Variants in GRK3 observed in about 807,000 individuals in gnomAD.
GRK3 encodes G protein-coupled receptor kinase 3, also known as adrenergic, beta, receptor kinase 2.
Under a neutral mutation model 95.7 loss-of-function variants are expected in GRK3, and 54 were observed. The ratio of observed to expected loss-of-function variants is 0.56; its 90% CI spans 0.45 to 0.71. The LOEUF is 0.71. Ranked by LOEUF, GRK3 falls within the 30% of genes least tolerant of loss-of-function variation. The pLI is 0.00. For synonymous variants in GRK3, 281 were observed against 290.8 expected, an observed-to-expected ratio of 0.97 and a Z score of 0.34; for missense variants, 649 against 851.2, an observed-to-expected ratio of 0.76 and a Z score of 2.96.
intron 2 of GRK3, among the ~76,000 whole-genome samples, chr22:25,626,288 CG>C (rs1192505398): frequency 1.3e-5 from 2 of 152,150 alleles, no homozygotes; most frequent in Non-Finnish European, 2.9e-5. Context: ...GTCGTCTTGC[CG>C]TAGGACTTGC....
chr22:25,585,229 G>A (rs554111253), intron 1 of GRK3, among the ~76,000 whole-genome samples: 482 of 152,356 alleles, frequency 3.2e-3, no homozygotes, highest in African/African-American at 0.011. Flanking sequence ...TTTTAAGGAA[G>A]TGAAGTGGAA....
At position 25,565,013 on chromosome 22, in the gene GRK3, G is replaced by C; in HGVS notation, c.-28G>C. On this transcript the variant is annotated 5_prime_UTR_variant, in exon 1 of 21. Coordinates refer to ENST00000324198, the MANE Select transcript of GRK3 (RefSeq NM_005160.4). ...CGTCCCGTCCAGGTCCGGAGTAACC[G>C]CCGCCGCCGCCGCCAAAGCTCGCCA... 1.1e-6 allele frequency: 1 copy of C among 892,340 alleles called. No individual in the cohort carries two copies. Among genetic ancestry groups the C allele is most frequent in the Non-Finnish European group, 1.5e-6 (1 of 646,132 alleles). 55.3% of individuals were successfully genotyped at this position (892,340 alleles called of 1,614,324 possible).
chr22:25,586,098 A>G (rs898085757), intron 1 of GRK3, among the ~76,000 whole-genome samples: 7 of 152,232 alleles, frequency 4.6e-5, no homozygotes, highest in Admixed American at 1.3e-4. Context: ...TGCTTATATC[A>G]TTGTGTAGTT....
At chr22:25,722,127 G>T (rs2085437174) in intron 20 of GRK3, among the ~76,000 whole-genome samples, 162 bp from the exon 21 acceptor site, 1 of 152,198 alleles carries the variant, frequency 6.6e-6, no homozygotes, top group South Asian at 2.1e-4. Flanking sequence ...TTCTGGAGAA[G>T]GTGGCAGCGT....
intron 1 of GRK3, among the ~76,000 whole-genome samples, chr22:25,582,521 A>G (rs1224426185): frequency 6.6e-6 from 1 of 152,210 alleles, no homozygotes; most frequent in Non-Finnish European, 1.5e-5. Context: ...AGAATTTTAG[A>G]GAAACTCACA....
chr22:25,680,527 A>G (rs955838325), intron 9 of GRK3, among the ~76,000 whole-genome samples: 2 of 152,238 alleles, frequency 1.3e-5, no homozygotes, highest in African/African-American at 2.4e-5. Flanking sequence ...TTGGAAAAAC[A>G]TAAGTATAGT....
Position 25,648,532 on chromosome 22 carries a change from G to C in GRK3, c.264+3867G>C, listed in dbSNP as rs914767328. 4 of 1,453,630 alleles carry C rather than the reference G, an allele frequency of 2.8e-6. No homozygotes were observed. The African/African-American group carries it at 5.6e-5, about 20-fold the overall frequency. 90.0% of individuals were successfully genotyped at this position (1,453,630 alleles called of 1,614,324 possible). ...GTAGCAATCAAAACACTAAAACCAG[G>C]TACAATGATGCCAGAAGCTTTTCTT... On this transcript the variant is annotated intron_variant, in intron 3 of 20. Transcript: ENST00000324198.
chr22:25,672,177 C>T, intron 6 of GRK3, 119 bp from the exon 7 acceptor site: 1 of 559,672 alleles, frequency 1.8e-6, no homozygotes, highest in Non-Finnish European at 3.2e-6. Context: ...TTTCAGAAAA[C>T]TTAACTTTAT....
chr22:25,709,308 A>T lies in GRK3; in HGVS notation c.1329-590A>T, dbSNP rs551136812. On this transcript the variant is annotated intron_variant, in intron 15 of 20. Coordinates refer to ENST00000324198, the MANE Select transcript of GRK3 (RefSeq NM_005160.4). ...CGCCTCAGCCTCCCAAAGTGCTGGG[A>T]TTACAGGCGTGAGCCACCACACCCG... Among the ~76,000 whole-genome samples, 13 of 152,122 alleles carry T rather than the reference A, an allele frequency of 8.5e-5. No individual in the cohort carries two copies. The East Asian group carries it at 1.7e-3, about 20-fold the overall frequency.
intron 1 of GRK3, among the ~76,000 whole-genome samples, chr22:25,566,203 A>ATT: frequency 6.6e-6 from 1 of 152,312 alleles, no homozygotes; most frequent in South Asian, 2.1e-4. Context: ...GATGCTAAAT[A>ATT]GCTCTTGGAA....
chr22:25,678,352 G>A (rs1325724717), intron 8 of GRK3, among the ~76,000 whole-genome samples: 2 of 152,172 alleles, frequency 1.3e-5, no homozygotes, highest in Admixed American at 1.3e-4. Flanking sequence ...CTACTTGGAA[G>A]GCTGAGACAG....
At chr22:25,623,542 T>C (rs1016002088) in intron 2 of GRK3, among the ~76,000 whole-genome samples, 14 of 152,268 alleles carry the variant, frequency 9.2e-5, no homozygotes, top group African/African-American at 3.4e-4. Flanking sequence ...TCTAGTGTAA[T>C]GTGTTGCCCT....
chr22:25,610,696 A>G (rs1260437678), intron 2 of GRK3, among the ~76,000 whole-genome samples: 1 of 152,140 alleles, frequency 6.6e-6, no homozygotes, highest in Non-Finnish European at 1.5e-5. Context: ...TTTTCTAGAC[A>G]TTTCATAAAA....
At chr22:25,675,942 C>A (rs906181792) in intron 8 of GRK3, among the ~76,000 whole-genome samples, 2 of 152,204 alleles carry the variant, frequency 1.3e-5, no homozygotes, top group Non-Finnish European at 2.9e-5. Flanking sequence ...TGGTATCACA[C>A]CTGCTACGTC....
intron 2 of GRK3, among the ~76,000 whole-genome samples, chr22:25,635,623 C>G (rs1031299722): frequency 1.3e-5 from 2 of 152,154 alleles, no homozygotes; most frequent in African/African-American, 4.8e-5. Context: ...ACACTTTTGT[C>G]AGGAGACCAT....
chr22:25,611,920 C>T (rs1391428706), intron 2 of GRK3, among the ~76,000 whole-genome samples: 1 of 150,826 alleles, frequency 6.6e-6, no homozygotes, highest in Non-Finnish European at 1.5e-5. Flanking sequence ...GAAACCTCCA[C>T]CTACCAGGTT....
At chr22:25,655,530 C>T (rs1300550861) in intron 3 of GRK3, among the ~76,000 whole-genome samples, 2 of 152,188 alleles carry the variant, frequency 1.3e-5, no homozygotes, top group African/African-American at 4.8e-5. Context: ...CTGATTCTTA[C>T]ACTGTTTGTT....
chr22:25,664,371 C>G (rs2084927888), intron 5 of GRK3, among the ~76,000 whole-genome samples: 1 of 152,032 alleles, frequency 6.6e-6, no homozygotes, highest in African/African-American at 2.4e-5. Flanking sequence ...CTCCAATGAA[C>G]AAAGTGCTTT....
chr22:25,567,999 CAAATCCTGGA>C (rs1931552077), intron 1 of GRK3, among the ~76,000 whole-genome samples: 1 of 152,198 alleles, frequency 6.6e-6, no homozygotes, highest in Non-Finnish European at 1.5e-5. Flanking sequence ...CCAATGAGTG[CAAATCCTGGA>C]AAAGCTGACT....
Sources: gnomAD v4.1 joint callset for allele counts (sites outside exome capture counted in the v4.1 genomes callset) on GRCh38, gnomAD v4.1.1 for gene constraint, MANE v1.5 for transcripts, NCBI Gene and HGNC (gene_info 2026-07-23, HGNC 2026-07-21) for gene names.